Variants in EIF2B5 observed in about 807,000 individuals in gnomAD.
EIF2B5 encodes the protein eukaryotic translation initiation factor 2B subunit epsilon, also known as translation initiation factor eIF2B subunit epsilon.
Under a neutral mutation model 87.3 loss-of-function variants are expected in EIF2B5, and 38 were observed. The ratio of observed to expected loss-of-function variants is 0.44; its 90% CI spans 0.34 to 0.57. The LOEUF is 0.57. Among genes scored for constraint, EIF2B5 ranks in the 20% least tolerant of loss-of-function variants. The pLI, the probability that EIF2B5 is intolerant of heterozygous loss-of-function variation, is 0.02. For missense variants in EIF2B5, 784 were observed against 909.5 expected, an observed-to-expected ratio of 0.86 and a Z score of 1.78; for synonymous variants, 313 against 339.6, an observed-to-expected ratio of 0.92 and a Z score of 0.86.
rs1289602056 is a variant in EIF2B5, at chr3:184,137,909, A to G, written c.518A>G (p.Lys173Arg). Residue 173 changes from lysine to arginine, a missense_variant, in exon 4 of 16, where the codon AAG (lysine) becomes AGG (arginine). Physicochemically the swap from Lys to Arg is conservative, Grantham distance 26. This residue lies in a region of EIF2B5 where 660 missense variants were observed against 789.5 expected (regional missense o/e 0.84). Transcript: ENST00000648915. ...RALEEHRLRR[K>R]LEKNVSVMTM... ...CCTGTCCTTTATAGGTTGAGACGGA[A>G]GCTAGAAAAAAATGTTTCTGTGATG... 13 of 1,614,096 alleles carry G rather than the reference A, an allele frequency of 8.1e-6. No homozygotes were observed. The highest frequency in any genetic ancestry group is 1.1e-5 in the Non-Finnish European group (13 of 1,180,052).
rs368137944 is a variant in EIF2B5, at chr3:184,144,960, C to T, written c.*17C>T. 19 of 1,612,642 alleles carry T rather than the reference C, an allele frequency of 1.2e-5. No homozygotes were observed. The highest frequency in any genetic ancestry group is 1.6e-5 in the Non-Finnish European group (19 of 1,179,564). On this transcript the variant is annotated 3_prime_UTR_variant, in exon 16 of 16. Coordinates refer to ENST00000648915, the MANE Select transcript of EIF2B5 (RefSeq NM_003907.3). ...GATGACTGAAGTCACACTGCCTGCTCCTTTGGGTGTGATTGAGTGCCCTCC... is the reference window on the plus strand; with the variant it reads ...GATGACTGAAGTCACACTGCCTGCTTCTTTGGGTGTGATTGAGTGCCCTCC...
rs942341700 is a variant in EIF2B5 at position 184,139,999 on chromosome 3, G to A, written c.766-81G>A. 4.3e-6 allele frequency: 5 copies of A among 1,169,262 alleles called. No individual in the cohort carries two copies. The African/African-American group carries it at 6.2e-5, about 14-fold the overall frequency. The allele number at this position is 1,169,262 out of a possible 1,614,324, so 72.4% of individuals were successfully genotyped here. A position where few individuals can be genotyped will look rare whatever the true frequency, so the allele number is the denominator to read the frequency against. ...GATCATGCAACTGCACTCCAGCCTG[G>A]GCAACAGAGCTAGACTTGTCTCAAA... On this transcript the variant is annotated intron_variant, in intron 5 of 15. Coordinates refer to ENST00000648915, the MANE Select transcript of EIF2B5 (RefSeq NM_003907.3).
At chr3:184,144,836 G>A in intron 15 of EIF2B5, 48 bp from the exon 16 acceptor site, 2 of 1,605,966 alleles carry the variant, frequency 1.2e-6, no homozygotes, top group Non-Finnish European at 1.7e-6. Flanking sequence ...GGGAGCAGGA[G>A]AGTTATGTGC....
chr3:184,142,840 G>C lies in EIF2B5; in HGVS notation c.1608G>C (p.Glu536Asp), dbSNP rs111933069. The C allele has an allele frequency of 1.0e-4, 169 of 1,614,154 alleles. 1 individual carries two copies. In the African/African-American group the frequency reaches 2.0e-3, roughly 19 times the overall value. ...AAAGTGAGCAAAGTATGGATTCTGAGGAGCCGGACAGCCGGGGAGGCTCCC... is the reference window on the plus strand; with the variant it reads ...AAAGTGAGCAAAGTATGGATTCTGACGAGCCGGACAGCCGGGGAGGCTCCC... ...ESESEQSMDS[E>D]EPDSRGGSPQ... Residue 536 changes from glutamate (E) to aspartate (D), a missense_variant, in exon 11 of 16, where the codon GAG becomes GAC. Physicochemically the swap from Glu to Asp is conservative, Grantham distance 45. Coordinates refer to ENST00000648915, the MANE Select transcript of EIF2B5 (RefSeq NM_003907.3). The surrounding 1 kb of genome is among the most constrained non-coding windows in gnomAD (Gnocchi z 5.0).
At chr3:184,143,938 C>T in intron 13 of EIF2B5, 161 bp from the exon 14 acceptor site, 1 of 1,160,478 alleles carries the variant, frequency 8.6e-7, no homozygotes. Flanking sequence ...ATCTCTTTTT[C>T]CCAAACCCTG....
chr3:184,137,522 A>G, intron 2 of EIF2B5, 98 bp from the exon 3 acceptor site: 2 of 1,268,254 alleles, frequency 1.6e-6, no homozygotes, highest in Non-Finnish European at 2.3e-6. Context: ...AAAGCCATCG[A>G]GAAGGACTGT....
In EIF2B5 at chr3:184,142,307, A is replaced by G; in HGVS notation, c.1373A>G (p.Glu458Gly). 1 of 1,614,022 alleles carries G rather than the reference A, an allele frequency of 6.2e-7. No individual in the cohort carries two copies. The highest frequency in any genetic ancestry group is 8.5e-7 in the Non-Finnish European group (1 of 1,179,990). ...VISLHPPDAEEDEDDGEFSDD... is the reference protein window; with the variant it reads ...VISLHPPDAEGDEDDGEFSDD... The stretch of plus-strand genomic sequence containing the variant: ...TCTTTGCACCCTCCAGATGCAGAGG[A>G]AGATGAAGATGATGGCGAGTTCAGT... The change falls in exon 9 of 16, where the codon GAA (glutamate) becomes GGA (glycine). Residue 458 changes from glutamate to glycine, a missense_variant. Glu to Gly is a moderately conservative substitution (Grantham distance 98, BLOSUM62 -2). Around this residue, in one of 3 missense-constraint regions of EIF2B5, gnomAD observed 660 missense variants for 789.5 expected, o/e 0.84. Coordinates refer to ENST00000648915, the MANE Select transcript of EIF2B5 (RefSeq NM_003907.3). This position sits in a 1 kb window ranked among gnomAD's most constrained non-coding sequence, Gnocchi z 5.0.
chr3:184,140,787 C>T, intron 7 of EIF2B5, 57 bp downstream of exon 7: 1 of 1,590,108 alleles, frequency 6.3e-7, no homozygotes, highest in South Asian at 1.1e-5. Flanking sequence ...CTGGGGGGGC[C>T]ACGTCTCCAG....
At position 184,142,905 on chromosome 3, in the gene EIF2B5, A is replaced by G. The variant is rs1388519657; in HGVS notation, c.1654+19A>G. The G allele has an allele frequency of 6.2e-7, 1 of 1,605,534 alleles. No individual in the cohort carries two copies. ...ATCAAAGGTGAGTGGCAGGGGAGAAATGCGCTGGACCAGTTTATTCTCTGC... is the reference window on the plus strand; with the variant it reads ...ATCAAAGGTGAGTGGCAGGGGAGAAGTGCGCTGGACCAGTTTATTCTCTGC... On this transcript the variant is annotated intron_variant, in intron 11 of 15. Transcript: ENST00000648915. The surrounding 1 kb of genome is among the most constrained non-coding windows in gnomAD (Gnocchi z 5.0).
chr3:184,136,031 G>A (rs1225974877), intron 1 of EIF2B5: 1 of 224,914 alleles, frequency 4.4e-6, no homozygotes, highest in South Asian at 6.1e-5. Flanking sequence ...GATAGCCGGT[G>A]CTATCTGTCG....
rs1713487946 is a variant in EIF2B5 at position 184,138,954 on chromosome 3, T to G, written c.765+708T>G. The stretch of plus-strand genomic sequence containing the variant: ...TGGGATTACAGGCATGAGCCACCAG[T>G]TTTTTTTGTTGTTGTTGTTGTTATT... On this transcript the variant is annotated intron_variant, in intron 5 of 15. Transcript: ENST00000648915. 14 of 242,658 alleles carry G rather than the reference T, an allele frequency of 5.8e-5. No individual in the cohort carries two copies. The Admixed American group carries it at 7.5e-4, about 13-fold the overall frequency. The allele number at this position is 242,658 out of a possible 1,614,324, so 15.0% of individuals were successfully genotyped here.
rs1461716828 is a variant in EIF2B5, at chr3:184,138,071, C to T, written c.680C>T (p.Pro227Leu). The T allele has an allele frequency of 1.9e-6, 3 of 1,614,152 alleles. No homozygotes were observed. Among genetic ancestry groups the T allele is most frequent in the Non-Finnish European group, 2.5e-6 (3 of 1,180,042 alleles). Residue 227 changes from proline (P) to leucine (L), a missense_variant, in exon 4 of 16, where the codon CCT (proline) becomes CTT (leucine). Physicochemically the swap from Pro to Leu is moderately conservative, Grantham distance 98. Transcript: ENST00000648915. ...CAGGGTCTCCGGCGTTTTGCATTTC[C>T]TCTGGTGTGTGGATATCTGGGGTCC... ...KTQGLRRFAF[P>L]LSLFQGSSDG... is the part of the protein sequence containing the mutation.
At chr3:184,140,877 CAG>C (rs1421851509) in intron 7 of EIF2B5, 147 bp downstream of exon 7, 7 of 918,178 alleles carry the variant, frequency 7.6e-6, no homozygotes, top group South Asian at 1.5e-5. Flanking sequence ...AAGGAGGAAA[CAG>C]GGATTTGAAA....
intron 5 of EIF2B5, chr3:184,138,941 C>T: frequency 3.8e-6 from 1 of 264,392 alleles, no homozygotes; most frequent in Non-Finnish European, 7.6e-6. Flanking sequence ...GGATTACAGG[C>T]ATGAGCCACC....
At chr3:184,144,858 C>G in intron 15 of EIF2B5, 26 bp from the exon 16 acceptor site, 1 of 1,612,662 alleles carries the variant, frequency 6.2e-7, no homozygotes, top group Non-Finnish European at 8.5e-7. Context: ...CCTCCCCCAG[C>G]CGATCTCTCC....
intron 12 of EIF2B5, 64 bp downstream of exon 12, chr3:184,143,206 G>A: frequency 6.4e-7 from 1 of 1,569,004 alleles, no homozygotes; most frequent in Non-Finnish European, 8.7e-7. Flanking sequence ...TTTCTCGTAA[G>A]TGTTTTGTCT....
intron 2 of EIF2B5, 127 bp downstream of exon 2, chr3:184,136,863 G>A (rs942079682): frequency 8.7e-6 from 12 of 1,384,178 alleles, no homozygotes; most frequent in East Asian, 6.9e-5. Flanking sequence ...TAAGTTCTAA[G>A]GGTATTTTCT....
At position 184,141,909 on chromosome 3, in the gene EIF2B5, T is replaced by C. The variant is rs1236553006; in HGVS notation, c.1157-16T>C. ...GGAACCCTGAGTTACCCAGAGGTCT[T>C]CCCATCCTGAGCCAGGTGATAACGT... On this transcript the variant is annotated splice_polypyrimidine_tract_variant and intron_variant, in intron 7 of 15. Coordinates refer to ENST00000648915, the MANE Select transcript of EIF2B5 (RefSeq NM_003907.3). 6.2e-7 allele frequency: 1 copy of C among 1,613,792 alleles called. No homozygotes were observed. The highest frequency in any genetic ancestry group is 8.5e-7 in the Non-Finnish European group (1 of 1,179,962).
At chr3:184,138,118 G>C in intron 4 of EIF2B5, 43 bp downstream of exon 4, 2 of 1,614,142 alleles carry the variant, frequency 1.2e-6, no homozygotes, top group South Asian at 1.1e-5. Context: ...GAAGTGACAG[G>C]CTTCAGTGGG....
Sources: gnomAD v4.1 joint callset for allele counts on GRCh38, gnomAD v4.1.1 for gene constraint, gnomAD v4.1.1 regional missense constraint, Gnocchi (gnomAD v3.1) non-coding constraint, MANE v1.5 for transcripts, NCBI Gene and HGNC (gene_info 2026-07-23, HGNC 2026-07-21) for gene names.